Variants in CHM observed in about 807,000 individuals in gnomAD.
The protein encoded by CHM is rab proteins geranylgeranyltransferase component A 1.
Under a neutral mutation model 49.0 loss-of-function variants are expected in CHM, and 10 were observed. The observed-to-expected ratio is 0.20, with a 90% confidence interval of 0.13 to 0.35. The LOEUF is 0.35. CHM is among the 10% of genes least tolerant of loss of function. The pLI, the probability that CHM is intolerant of heterozygous loss-of-function variation, is 1.00. For missense variants in CHM, 455 were observed against 478.4 expected (o/e 0.95, Z 0.46); for synonymous variants, 184 against 167.5 (o/e 1.10, Z -0.76).
intron 4 of CHM, chrX:85,970,186 T>C (rs1438379309): frequency 5.7e-6 from 3 of 527,768 alleles, no homozygotes; most frequent in African/African-American, 2.6e-5. Flanking sequence ...TACCAAAACA[T>C]ATTGTATCCC....
rs750801383 is a variant in CHM at position 86,025,328 on chromosome X, T to C, written c.116+2163A>G. On this transcript the variant is annotated intron_variant, in intron 2 of 14. Coordinates refer to ENST00000357749, the MANE Select transcript of CHM (RefSeq NM_000390.4). ...TTAATCAAACTTTATTTTTGGAATATGAGTAAACCCAATTTGATTTGTAAA... is the reference window on the plus strand; with the variant it reads ...TTAATCAAACTTTATTTTTGGAATACGAGTAAACCCAATTTGATTTGTAAA... Among the ~76,000 whole-genome samples the C allele has an allele frequency of 5.4e-5, 6 of 111,798 alleles. No individual in the cohort carries two copies. In the South Asian group the frequency reaches 1.5e-3, roughly 28 times the overall value.
chrX:85,960,869 T>C (rs1317232828), intron 5 of CHM, among the ~76,000 whole-genome samples: 1 of 111,788 alleles, frequency 8.9e-6, no homozygotes, highest in African/African-American at 3.3e-5. Context: ...TTATTAAGAG[T>C]ATGGACTTAC....
chrX:86,029,269 C>A (rs1007542390), intron 1 of CHM, among the ~76,000 whole-genome samples: 2 of 111,980 alleles, frequency 1.8e-5, no homozygotes, highest in Non-Finnish European at 3.8e-5. Context: ...TAAGTTAAAA[C>A]CCTTATTGAA....
intron 2 of CHM, among the ~76,000 whole-genome samples, chrX:86,019,162 G>GTGTTGGAATTTAAAAGTCAATAAAGA (rs1319591549): frequency 1.8e-5 from 2 of 111,429 alleles, no homozygotes; most frequent in East Asian, 5.6e-4. Flanking sequence ...TCTGTCATGA[G>GTGTTGGAATTTAAAAGTCAATAAAGA]TGTTGGAATT....
intron 8 of CHM, among the ~76,000 whole-genome samples, chrX:85,915,596 A>G: frequency 8.9e-6 from 1 of 112,654 alleles, no homozygotes; most frequent in Middle Eastern, 4.6e-3. Context: ...CAACTTAAGC[A>G]AAGTCTCAGA....
rs775032537 is a variant in CHM, at chrX:85,984,870, T to C, written c.117-3061A>G. Among the ~76,000 whole-genome samples the C allele has an allele frequency of 2.7e-5, 3 of 112,596 alleles. No homozygotes were observed. In the South Asian group the frequency reaches 1.1e-3, roughly 41 times the overall value. The stretch of plus-strand genomic sequence containing the variant: ...AGTACATACTATATGATACCATTTA[T>C]ATAAAATTATGGAAAAAGTTAATCT... On this transcript the variant is annotated intron_variant, in intron 2 of 14. Transcript: ENST00000357749.
chrX:85,943,475 T>C (rs1309400716), intron 8 of CHM, among the ~76,000 whole-genome samples: 2 of 111,867 alleles, frequency 1.8e-5, no homozygotes, highest in African/African-American at 6.5e-5. Flanking sequence ...TTAATTAAAA[T>C]ATAGAAAGTT....
At chrX:85,894,163 C>A (rs747386099) in intron 12 of CHM, 25 bp downstream of exon 12, 1 of 1,138,844 alleles carries the variant, frequency 8.8e-7, no homozygotes, top group South Asian at 1.8e-5. Context: ...ACACAAAATA[C>A]AAATAACCAC....
At chrX:85,944,292 T>C (rs1929285300) in intron 8 of CHM, among the ~76,000 whole-genome samples, 1 of 111,883 alleles carries the variant, frequency 8.9e-6, no homozygotes, top group African/African-American at 3.2e-5. Context: ...TTATGATTTA[T>C]CCAAAGAGAA....
chrX:85,922,595 C>T (rs1927857740), intron 8 of CHM, among the ~76,000 whole-genome samples: 1 of 112,539 alleles, frequency 8.9e-6, no homozygotes. Context: ...TGCTCCTTGC[C>T]TTGTAAACTG....
intron 1 of CHM, among the ~76,000 whole-genome samples, chrX:86,030,250 C>T (rs1012510513): frequency 8.9e-6 from 1 of 112,644 alleles, no homozygotes; most frequent in Non-Finnish European, 1.9e-5. Flanking sequence ...TTCCTTAATA[C>T]TTCCATCCAA....
chrX:85,915,555 G>T (rs1226538821), intron 8 of CHM, among the ~76,000 whole-genome samples: 1 of 112,083 alleles, frequency 8.9e-6, no homozygotes, highest in African/African-American at 3.2e-5. Context: ...AAACCCCATA[G>T]TCTCAGCCAA....
chrX:85,949,690 T>C (rs893482032), intron 8 of CHM, among the ~76,000 whole-genome samples: 3 of 110,060 alleles, frequency 2.7e-5, no homozygotes, highest in East Asian at 5.7e-4. Flanking sequence ...AGATCCATCA[T>C]ATTCGGAAAT....
At chrX:86,021,136 A>ATATGTGTATATACG (rs1569255096) in intron 2 of CHM, among the ~76,000 whole-genome samples, 1 of 29,308 alleles carries the variant, frequency 3.4e-5, no homozygotes, top group Non-Finnish European at 6.8e-5. Flanking sequence ...GTATATATAT[A>ATATGTGTATATACG]TATATATATA....
chrX:85,957,768 A>G (rs1930077482), intron 7 of CHM, 87 bp downstream of exon 7: 2 of 1,111,422 alleles, frequency 1.8e-6, no homozygotes, highest in South Asian at 2.0e-5. Context: ...TAAAACAGTA[A>G]TAAGTGGCTC....
At chrX:85,942,897 C>A (rs1290454407) in intron 8 of CHM, among the ~76,000 whole-genome samples, 3 of 93,260 alleles carry the variant, frequency 3.2e-5, no homozygotes. Context: ...TCTCTTAATG[C>A]TATCCCTCCC....
chrX:85,913,337 AAAGAAAGAAAGAAAG>A (rs1927212339), intron 8 of CHM, among the ~76,000 whole-genome samples: 2 of 52,560 alleles, frequency 3.8e-5, no homozygotes, highest in African/African-American at 1.3e-4. Context: ...AAAAAAAAAG[AAAGAAAGAAAGAAAG>A]AAAGAAAGAA....
At chrX:86,033,502 C>A (rs1179471704) in intron 1 of CHM, among the ~76,000 whole-genome samples, 1 of 112,040 alleles carries the variant, frequency 8.9e-6, no homozygotes. Context: ...AGAGTAAGTT[C>A]TTTTTTAGGA....
At chrX:85,885,612 G>C (rs1210906455) in intron 12 of CHM, among the ~76,000 whole-genome samples, 1 of 111,189 alleles carries the variant, frequency 9.0e-6, no homozygotes, top group Admixed American at 9.6e-5. Flanking sequence ...ATGCGTACAA[G>C]TCACAAAGTC....
Sources: gnomAD v4.1 joint callset for allele counts (sites outside exome capture counted in the v4.1 genomes callset) on GRCh38, gnomAD v4.1.1 for gene constraint, MANE v1.5 for transcripts, NCBI Gene and HGNC (gene_info 2026-07-23, HGNC 2026-07-21) for gene names.